Variants in SPIRE1 observed in about 807,000 individuals in gnomAD.
The protein encoded by SPIRE1 is spire type actin nucleation factor 1, also known as protein spire homolog 1.
Under a neutral mutation model 94.1 loss-of-function variants are expected in SPIRE1, and 40 were observed. The ratio of observed to expected loss-of-function variants is 0.43; its 90% CI spans 0.33 to 0.55. The LOEUF (loss-of-function observed/expected upper bound fraction) is 0.55, where lower values mean the gene tolerates loss of function less well. SPIRE1 is among the 20% of genes least tolerant of loss of function. The pLI, the probability that SPIRE1 is intolerant of heterozygous loss-of-function variation, is 0.06. For missense variants in SPIRE1, 838 were observed against 975.2 expected, an observed-to-expected ratio of 0.86 and a Z score of 1.87; for synonymous variants, 376 against 371.7, an observed-to-expected ratio of 1.01 and a Z score of -0.13.
intron 6 of SPIRE1, among the ~76,000 whole-genome samples, chr18:12,498,137 C>T (rs949196660): frequency 6.6e-6 from 1 of 152,206 alleles, no homozygotes; most frequent in Non-Finnish European, 1.5e-5. Flanking sequence ...ATGAGAATGT[C>T]TTTTGAGTAT....
At chr18:12,496,907 A>C (rs1403513278) in intron 6 of SPIRE1, among the ~76,000 whole-genome samples, 1 of 152,022 alleles carries the variant, frequency 6.6e-6, no homozygotes, top group East Asian at 1.9e-4. Flanking sequence ...TAAAAATACA[A>C]AAATACAAAA....
At chr18:12,569,313 C>A (rs900755779) in intron 2 of SPIRE1, among the ~76,000 whole-genome samples, 1 of 148,636 alleles carries the variant, frequency 6.7e-6, no homozygotes, top group African/African-American at 2.5e-5. Context: ...TGCACTCCTG[C>A]CTGGGCGACA....
chr18:12,480,432 G>A (rs1445105088), intron 9 of SPIRE1, among the ~76,000 whole-genome samples: 1 of 152,176 alleles, frequency 6.6e-6, no homozygotes, highest in African/African-American at 2.4e-5. Flanking sequence ...GACAGACAAT[G>A]AAGCAGTCTA....
intron 2 of SPIRE1, among the ~76,000 whole-genome samples, chr18:12,549,448 T>G (rs1293217883): frequency 3.2e-5 from 3 of 94,570 alleles, no homozygotes; most frequent in East Asian, 5.0e-4. Context: ...TGTTTTTTTT[T>G]TTTTTTTTTT....
At chr18:12,494,269 A>G (rs2033352724) in intron 7 of SPIRE1, among the ~76,000 whole-genome samples, 1 of 151,984 alleles carries the variant, frequency 6.6e-6, no homozygotes, top group Non-Finnish European at 1.5e-5. Context: ...ACCACCCATA[A>G]CCTTCTTAGA....
intron 5 of SPIRE1, among the ~76,000 whole-genome samples, chr18:12,511,611 G>A (rs1394618722): frequency 5.3e-5 from 8 of 152,150 alleles, no homozygotes; most frequent in Admixed American, 5.2e-4. Flanking sequence ...ATTGGGGGTG[G>A]TTTTAATAAA....
chr18:12,492,817 G>C (rs552515769), intron 8 of SPIRE1, among the ~76,000 whole-genome samples: 96 of 152,164 alleles, frequency 6.3e-4, no homozygotes, highest in African/African-American at 2.3e-3. Context: ...ATTACGGCAC[G>C]ATGTTCTCAT....
intron 7 of SPIRE1, among the ~76,000 whole-genome samples, chr18:12,493,405 A>C (rs113125696): frequency 0.045 from 6,844 of 152,152 alleles, 239 homozygotes; most frequent in African/African-American, 0.082. Flanking sequence ...ATACATTCTC[A>C]AATTGTATTT....
intron 12 of SPIRE1, among the ~76,000 whole-genome samples, chr18:12,461,478 A>ATATGTACG (rs2031825286): frequency 6.7e-6 from 1 of 149,524 alleles, no homozygotes; most frequent in Admixed American, 6.6e-5. Context: ...ATGTACGTAC[A>ATATGTACG]TACATATGTG....
intron 5 of SPIRE1, among the ~76,000 whole-genome samples, chr18:12,510,083 T>TAAA (rs1240467564): frequency 8.0e-6 from 1 of 124,980 alleles, no homozygotes; most frequent in Non-Finnish European, 1.7e-5. Flanking sequence ...AGACTCCATC[T>TAAA]AAAAAAAAAA....
At chr18:12,558,498 T>C (rs2144372450) in intron 2 of SPIRE1, among the ~76,000 whole-genome samples, 1 of 152,290 alleles carries the variant, frequency 6.6e-6, no homozygotes, top group Middle Eastern at 3.4e-3. Flanking sequence ...ACTGCTGTCT[T>C]GGGCAGCCTG....
chr18:12,525,420 GA>G (rs2034492259), intron 4 of SPIRE1, among the ~76,000 whole-genome samples: 1 of 150,898 alleles, frequency 6.6e-6, no homozygotes, highest in African/African-American at 2.4e-5. Context: ...CATTAATATA[GA>G]AAAAACAAAC....
intron 2 of SPIRE1, among the ~76,000 whole-genome samples, chr18:12,576,685 C>G (rs1167909612): frequency 2.7e-5 from 4 of 150,584 alleles, no homozygotes; most frequent in Non-Finnish European, 4.4e-5. Context: ...GTCAGGAGAT[C>G]GAGACCATCC....
intron 1 of SPIRE1, among the ~76,000 whole-genome samples, chr18:12,650,922 C>T (rs2038362683): frequency 6.6e-6 from 1 of 150,838 alleles, no homozygotes; most frequent in South Asian, 2.1e-4. Flanking sequence ...CCAATTACAG[C>T]TAAAATCTTA....
intron 2 of SPIRE1, among the ~76,000 whole-genome samples, chr18:12,564,758 T>G (rs35122110): frequency 0.54 from 81,496 of 151,790 alleles, 23,105 homozygotes; most frequent in Middle Eastern, 0.73. Flanking sequence ...AGCACAGCAA[T>G]CCTGAGAATT....
intron 4 of SPIRE1, among the ~76,000 whole-genome samples, chr18:12,533,685 T>C (rs559572386): frequency 1.1e-3 from 162 of 152,260 alleles, no homozygotes; most frequent in African/African-American, 3.8e-3. Flanking sequence ...TCTAAATAAA[T>C]AGATGATGAA....
At chr18:12,543,440 G>C (rs188172640) in intron 3 of SPIRE1, among the ~76,000 whole-genome samples, 3 of 152,092 alleles carry the variant, frequency 2.0e-5, no homozygotes, top group Admixed American at 6.6e-5. Context: ...CATTATACTG[G>C]ATAAATAATT....
At chr18:12,487,022 T>C (rs1164613594) in intron 8 of SPIRE1, among the ~76,000 whole-genome samples, 2 of 152,000 alleles carry the variant, frequency 1.3e-5, no homozygotes, top group African/African-American at 4.8e-5. Flanking sequence ...CTGGCTACCG[T>C]TTGTATTTTT....
At chr18:12,570,178 A>G (rs17525459) in intron 2 of SPIRE1, among the ~76,000 whole-genome samples, 1 of 152,234 alleles carries the variant, frequency 6.6e-6, no homozygotes, top group Non-Finnish European at 1.5e-5. Context: ...ATTGGAGTCC[A>G]TATTTGTCTC....
Sources: allele counts gnomAD v4.1 joint callset (sites outside exome capture counted in the v4.1 genomes callset), GRCh38; gene constraint gnomAD v4.1.1; transcripts MANE v1.5; gene names NCBI Gene and HGNC (gene_info 2026-07-23, HGNC 2026-07-21).